CMTR1: variants seen among roughly 807,000 people sequenced by gnomAD.
CMTR1 encodes the protein cap methyltransferase 1.
In CMTR1, 39 loss-of-function variants were observed where a neutral mutation model predicts 107.0. The observed-to-expected ratio is 0.36, with a 90% confidence interval of 0.28 to 0.48. The LOEUF (loss-of-function observed/expected upper bound fraction) is 0.48. Among genes scored for constraint, CMTR1 ranks in the 20% least tolerant of loss-of-function variants. The probability of loss-of-function intolerance (pLI) is 0.99; values close to 1 mark genes in which losing one functional copy is unlikely to be tolerated. For synonymous variants in CMTR1, 366 were observed against 379.5 expected, an observed-to-expected ratio of 0.96 and a Z score of 0.41; for missense variants, 672 against 1,064.9, an observed-to-expected ratio of 0.63 and a Z score of 5.14.
intron 21 of CMTR1, 87 bp from the exon 22 acceptor site, chr6:37,478,322 C>T (rs1472792830): frequency 6.0e-6 from 6 of 1,001,918 alleles, no homozygotes; most frequent in South Asian, 1.3e-5. Context: ...TCAGATACTG[C>T]AGTTGGGGTG....
At chr6:37,432,784 A>G (rs1369453992), upstream of CMTR1, among the ~76,000 whole-genome samples, 2 of 152,190 alleles carry the variant, frequency 1.3e-5, no homozygotes, top group Non-Finnish European at 2.9e-5. Context: ...ATATGGTAAG[A>G]TGCTACAGGC....
upstream of CMTR1, among the ~76,000 whole-genome samples, chr6:37,428,561 G>A (rs1423438756): frequency 6.6e-6 from 1 of 152,078 alleles, no homozygotes; most frequent in Non-Finnish European, 1.5e-5. Context: ...GGATTCAAGC[G>A]ATTCTCCTGC....
intron 13 of CMTR1, among the ~76,000 whole-genome samples, chr6:37,466,067 A>G (rs1322381541): frequency 1.4e-5 from 2 of 148,100 alleles, no homozygotes; most frequent in African/African-American, 2.5e-5. Context: ...GTTAAATTCA[A>G]TGTCATTAAT....
chr6:37,430,769 C>T (rs1451518719), upstream of CMTR1, among the ~76,000 whole-genome samples: 7 of 152,196 alleles, frequency 4.6e-5, no homozygotes, highest in East Asian at 1.4e-3. Flanking sequence ...AATCCCAGTC[C>T]TTTGGGAGGC....
At chr6:37,452,559 T>C (rs377547099) in intron 6 of CMTR1, among the ~76,000 whole-genome samples, 2 of 152,282 alleles carry the variant, frequency 1.3e-5, no homozygotes, top group Non-Finnish European at 2.9e-5. Flanking sequence ...TGAGGATTTC[T>C]TTATCTAGAG....
rs138354817 is a variant in CMTR1, at chr6:37,462,956, G to A, written c.1453G>A (p.Val485Met). 1 of 1,614,176 alleles carries A rather than the reference G, an allele frequency of 6.2e-7. No individual in the cohort carries two copies. The highest frequency in any genetic ancestry group is 8.5e-7 in the Non-Finnish European group (1 of 1,180,014). Residue 485 changes from valine (V) to methionine (M), a missense_variant, in exon 13 of 24, where the codon GTG becomes ATG. By Grantham distance (21) the Val-to-Met change is conservative. Around this residue, in one of 2 missense-constraint regions of CMTR1, gnomAD observed 583 missense variants for 968.4 expected, o/e 0.60. Coordinates refer to ENST00000373451, the MANE Select transcript of CMTR1 (RefSeq NM_015050.3). ...CGTCAACTTGGTGGTCCCCCTGGAG[G>A]TGATCAAGGGAGACCATGAATTTAC... ...SDVNLVVPLEVIKGDHEFTDY... is the reference protein window; with the variant it reads ...SDVNLVVPLEMIKGDHEFTDY...
intron 2 of CMTR1, among the ~76,000 whole-genome samples, chr6:37,438,257 G>C (rs1455550477): frequency 6.6e-6 from 1 of 152,154 alleles, no homozygotes; most frequent in Non-Finnish European, 1.5e-5. Flanking sequence ...GCATGCACCT[G>C]TAGACCCAGC....
the CMTR1 span, among the ~76,000 whole-genome samples, chr6:37,425,781 A>G: frequency 3.9e-5 from 6 of 151,986 alleles, no homozygotes; most frequent in African/African-American, 1.5e-4. Flanking sequence ...AGTTCATTTT[A>G]TTTGGAGTTT....
chr6:37,444,944 T>G (rs960762834), intron 3 of CMTR1, among the ~76,000 whole-genome samples: 33 of 152,288 alleles, frequency 2.2e-4, no homozygotes, highest in African/African-American at 7.9e-4. Context: ...GAGAATCGCT[T>G]GAACCTGAGA....
chr6:37,424,363 C>T, the CMTR1 span, among the ~76,000 whole-genome samples: 1 of 151,746 alleles, frequency 6.6e-6, no homozygotes, highest in African/African-American at 2.4e-5. Context: ...CTGCCTCAGC[C>T]TCCCGAGTAG....
chr6:37,469,366 C>G (rs902746534), intron 13 of CMTR1, among the ~76,000 whole-genome samples: 1 of 151,642 alleles, frequency 6.6e-6, no homozygotes, highest in African/African-American at 2.4e-5. Context: ...AATATTTTAT[C>G]TGTTATTTTT....
chr6:37,449,360 G>GT (rs1338019435), intron 4 of CMTR1, among the ~76,000 whole-genome samples: 2 of 152,104 alleles, frequency 1.3e-5, no homozygotes, highest in African/African-American at 4.8e-5. Flanking sequence ...CCAGGCTGGA[G>GT]TGCAGTGGCG....
intron 12 of CMTR1, among the ~76,000 whole-genome samples, chr6:37,462,444 C>G (rs1274612872): frequency 2.0e-5 from 3 of 152,198 alleles, no homozygotes; most frequent in Admixed American, 2.0e-4. Flanking sequence ...CCCAGTGTGA[C>G]ACTGCCCACA....
chr6:37,466,498 A>G (rs977308011), intron 13 of CMTR1, among the ~76,000 whole-genome samples: 12 of 152,056 alleles, frequency 7.9e-5, no homozygotes, highest in African/African-American at 2.9e-4. Flanking sequence ...TTTTGTATAG[A>G]GTATTAGGTA....
At chr6:37,438,692 G>T (rs1170116292) in intron 2 of CMTR1, among the ~76,000 whole-genome samples, 1 of 152,210 alleles carries the variant, frequency 6.6e-6, no homozygotes, top group Non-Finnish European at 1.5e-5. Flanking sequence ...TCTTTTCCAA[G>T]AAGCTTAAAA....
intron 14 of CMTR1, 43 bp from the exon 15 acceptor site, chr6:37,471,804 G>C: frequency 6.3e-7 from 1 of 1,599,348 alleles, no homozygotes; most frequent in Non-Finnish European, 8.6e-7. Context: ...GCACTCCTGT[G>C]CCTCTTAGAG....
intron 12 of CMTR1, 52 bp downstream of exon 12, chr6:37,462,154 A>G (rs772031642): frequency 1.2e-6 from 2 of 1,603,998 alleles, no homozygotes; most frequent in Admixed American, 1.7e-5. Flanking sequence ...ATGTCAGAAC[A>G]GCAAATCATG....
In CMTR1 at chr6:37,472,393, C is replaced by A; in HGVS notation, c.1621-26C>A. The A allele has an allele frequency of 6.2e-7, 1 of 1,612,386 alleles. No homozygotes were observed. The highest frequency in any genetic ancestry group is 1.1e-5 in the South Asian group (1 of 91,000). On this transcript the variant is annotated intron_variant, in intron 15 of 23. Transcript: ENST00000373451. This position sits in a 1 kb window ranked among gnomAD's most constrained non-coding sequence, Gnocchi z 4.1. ...CTTGGTCAAAAGGGCATTTGAAAGT[C>A]AAAGCTCTTTGCTGTCTTATTTCAG... is the stretch of plus-strand genomic sequence containing the variant.
Position 37,438,549 on chromosome 6 carries a change from T to C in CMTR1, c.133+2787T>C, listed in dbSNP as rs1771590637. ...TATTTTAGGAAGGGGCAGCTCTGCA[T>C]TGACACAGAAACTGAGGGCAGTATC... On this transcript the variant is annotated intron_variant, in intron 2 of 23. Transcript: ENST00000373451. Among the ~76,000 whole-genome samples, 3 of 152,334 alleles carry C rather than the reference T, an allele frequency of 2.0e-5. No homozygotes were observed. The South Asian group carries it at 6.2e-4, about 32-fold the overall frequency.
Sources: allele counts gnomAD v4.1 joint callset (sites outside exome capture counted in the v4.1 genomes callset), GRCh38; gene constraint gnomAD v4.1.1; regional missense constraint gnomAD v4.1.1; non-coding constraint Gnocchi (gnomAD v3.1); transcripts MANE v1.5; gene names NCBI Gene and HGNC (gene_info 2026-07-23, HGNC 2026-07-21).